The following KCNN2 variants were observed in gnomAD, a reference collection of about 807,000 sequenced individuals.
KCNN2 encodes the protein potassium calcium-activated channel subfamily N member 2, also known as small conductance calcium-activated potassium channel protein 2.
KCNN2 carries 24 observed loss-of-function variants against 55.5 expected under a neutral mutation model. The observed-to-expected ratio is 0.43, with a 90% CI of 0.31 to 0.61. The LOEUF (loss-of-function observed/expected upper bound fraction) is 0.61. Ranked by LOEUF, KCNN2 falls within the 20% of genes least tolerant of loss-of-function variation. The pLI is 0.08. For missense variants in KCNN2, 754 were observed against 853.6 expected (o/e 0.88, Z 1.45); for synonymous variants, 431 against 336.1 (o/e 1.28, Z -3.09).
chr5:114,094,663 C>T (rs774762442), intron 1 of KCNN2, among the ~76,000 whole-genome samples: 1 of 152,172 alleles, frequency 6.6e-6, no homozygotes, highest in African/African-American at 2.4e-5. Flanking sequence ...GAGACAGCTG[C>T]TTCATAAGTG....
intron 1 of KCNN2, among the ~76,000 whole-genome samples, chr5:114,137,477 G>C (rs888516239): frequency 6.6e-6 from 1 of 152,070 alleles, no homozygotes; most frequent in Admixed American, 6.6e-5. Context: ...GTGTTCACTT[G>C]AAATAATCAC....
intron 2 of KCNN2, among the ~76,000 whole-genome samples, chr5:114,231,856 T>A (rs975563995): frequency 6.6e-6 from 1 of 150,828 alleles, no homozygotes; most frequent in Non-Finnish European, 1.5e-5. Context: ...TGCCTTGTTT[T>A]TTTTTTCTGT....
At chr5:114,116,062 G>C (rs529028752) in intron 1 of KCNN2, among the ~76,000 whole-genome samples, 1 of 152,258 alleles carries the variant, frequency 6.6e-6, no homozygotes, top group East Asian at 1.9e-4. Flanking sequence ...AGGAAGCAGA[G>C]TTTAGCGAGC....
intron 1 of KCNN2, among the ~76,000 whole-genome samples, chr5:114,199,125 A>T (rs1753618011): frequency 6.6e-6 from 1 of 152,122 alleles, no homozygotes; most frequent in Non-Finnish European, 1.5e-5. Flanking sequence ...GTGCATATAT[A>T]TATAGGATTG....
At chr5:114,280,174 G>A (rs933162931) in intron 2 of KCNN2, among the ~76,000 whole-genome samples, 6 of 152,134 alleles carry the variant, frequency 3.9e-5, no homozygotes, top group Non-Finnish European at 7.4e-5. Context: ...AAATTTGTTT[G>A]AGTTCATTGT....
At chr5:114,387,989 A>G (rs1218195471) in intron 2 of KCNN2, among the ~76,000 whole-genome samples, 1 of 152,194 alleles carries the variant, frequency 6.6e-6, no homozygotes, top group Non-Finnish European at 1.5e-5. Context: ...TCAGAAACTC[A>G]TGCATATCCT....
At chr5:114,397,325 T>C (rs1668137203) in intron 2 of KCNN2, among the ~76,000 whole-genome samples, 1 of 152,224 alleles carries the variant, frequency 6.6e-6, no homozygotes, top group South Asian at 2.1e-4. Context: ...GCTGAACTCA[T>C]TTACATTCCT....
Position 114,345,791 on chromosome 5 carries a change from T to C in KCNN2, c.-184-15154T>C, listed in dbSNP as rs1335235119. ...GGCCTCTGGGAGCTTTTATTTTTTA[T>C]TTTTTTTGAGATGGAGTTTCGCTCT... On this transcript the variant is annotated intron_variant, in intron 2 of 10. Transcript: ENST00000512097. Among the ~76,000 whole-genome samples, 3 of 151,864 alleles carry C rather than the reference T, an allele frequency of 2.0e-5. No individual in the cohort carries two copies. In the East Asian group the frequency reaches 5.8e-4, roughly 29 times the overall value.
chr5:114,295,432 A>G (rs1755989689), intron 2 of KCNN2, among the ~76,000 whole-genome samples: 1 of 151,988 alleles, frequency 6.6e-6, no homozygotes, highest in African/African-American at 2.4e-5. Flanking sequence ...CCTCGCTGCC[A>G]CCTTGCAGTT....
intron 3 of KCNN2, among the ~76,000 whole-genome samples, chr5:114,405,236 CA>C (rs1490136776): frequency 6.6e-6 from 1 of 152,146 alleles, no homozygotes; most frequent in Non-Finnish European, 1.5e-5. Context: ...GAAATCCTGT[CA>C]AACAGTGTTG....
chr5:114,412,090 A>G (rs994839685), intron 3 of KCNN2, among the ~76,000 whole-genome samples: 2 of 152,210 alleles, frequency 1.3e-5, no homozygotes, highest in Admixed American at 1.3e-4. Flanking sequence ...GTAACTAGAC[A>G]GATTTCTAGT....
chr5:114,377,373 A>G (rs997807842), intron 2 of KCNN2, among the ~76,000 whole-genome samples: 6 of 152,176 alleles, frequency 3.9e-5, no homozygotes, highest in African/African-American at 9.7e-5. Flanking sequence ...GTGCATCATT[A>G]TGATTGGAGG....
intron 1 of KCNN2, among the ~76,000 whole-genome samples, chr5:114,064,895 C>G (rs934772636): frequency 6.6e-6 from 1 of 152,190 alleles, no homozygotes; most frequent in East Asian, 1.9e-4. Context: ...CTTCAACAGT[C>G]TTTCCCTTGT....
At chr5:114,198,073 T>A (rs1261629578) in intron 1 of KCNN2, among the ~76,000 whole-genome samples, 1 of 152,090 alleles carries the variant, frequency 6.6e-6, no homozygotes, top group Non-Finnish European at 1.5e-5. Flanking sequence ...TCCCCCCACT[T>A]TTTAAGATTC....
At chr5:114,177,744 G>A (rs1459206605) in intron 1 of KCNN2, among the ~76,000 whole-genome samples, 4 of 152,156 alleles carry the variant, frequency 2.6e-5, no homozygotes, top group Non-Finnish European at 4.4e-5. Context: ...GAAAGTTAAA[G>A]TATGAGGTAA....
At chr5:114,322,968 C>T (rs368909429) in intron 2 of KCNN2, among the ~76,000 whole-genome samples, 51 of 152,270 alleles carry the variant, frequency 3.3e-4, no homozygotes, top group African/African-American at 1.2e-3. Flanking sequence ...CCACTCTCCC[C>T]GTCAAGTAGA....
intron 2 of KCNN2, among the ~76,000 whole-genome samples, chr5:114,297,720 G>A (rs567215263): frequency 6.6e-6 from 1 of 151,956 alleles, no homozygotes; most frequent in East Asian, 1.9e-4. Flanking sequence ...TCATAATAGA[G>A]GTCTGGTTAT....
Position 114,362,645 on chromosome 5 carries a change from C to T in KCNN2, c.506C>T (p.Pro169Leu), listed in dbSNP as rs1757465734. ...QCHSLQPAASPTGSLGSLGSG... is the reference protein window; with the variant it reads ...QCHSLQPAASLTGSLGSLGSG... ...CACAGCCTGCAGCCCGCCGCCAGCC[C>T]CACGGGCAGCCTCGGCAGTCTGGGC... is the stretch of plus-strand genomic sequence containing the variant. Residue 169 changes from proline to leucine, a missense_variant, in exon 1 of 8, where the codon CCC (proline) becomes CTC (leucine). Around this residue, in one of 4 missense-constraint regions of KCNN2, gnomAD observed 381 missense variants for 259.1 expected, o/e 1.47. Coordinates refer to ENST00000673685, the MANE Select transcript of KCNN2 (RefSeq NM_021614.4). The T allele has an allele frequency of 2.3e-6, 3 of 1,287,568 alleles. No homozygotes were observed. Among genetic ancestry groups the T allele is most frequent in the Non-Finnish European group, 3.1e-6 (3 of 969,400 alleles). 79.8% of individuals were successfully genotyped at this position (1,287,568 alleles called of 1,614,324 possible). A position where few individuals can be genotyped will look rare whatever the true frequency, so the allele number is the denominator to read the frequency against.
At chr5:114,329,508 C>CAA (rs1756770207) in intron 2 of KCNN2, among the ~76,000 whole-genome samples, 1 of 152,156 alleles carries the variant, frequency 6.6e-6, no homozygotes, top group African/African-American at 2.4e-5. Context: ...CCAAATTCTT[C>CAA]AGCTTTTGGA....
Sources: gnomAD v4.1 joint callset for allele counts (sites outside exome capture counted in the v4.1 genomes callset) on GRCh38, gnomAD v4.1.1 for gene constraint, gnomAD v4.1.1 regional missense constraint, MANE v1.5 for transcripts, NCBI Gene and HGNC (gene_info 2026-07-23, HGNC 2026-07-21) for gene names.